WDR91: variants seen among roughly 807,000 people sequenced by gnomAD.
WDR91 encodes WD repeat domain 91, also known as WD repeat-containing protein 91.
In WDR91, 52 loss-of-function variants were observed where a neutral mutation model predicts 88.4. The observed-to-expected ratio is 0.59, with a 90% CI of 0.47 to 0.74. The LOEUF is 0.74. Among genes scored for constraint, WDR91 ranks in the 30% least tolerant of loss-of-function variants. WDR91 has a pLI of 0.00. For missense variants in WDR91, 824 were observed against 954.5 expected, an observed-to-expected ratio of 0.86 and a Z score of 1.80; for synonymous variants, 362 against 389.5, an observed-to-expected ratio of 0.93 and a Z score of 0.83.
At chr7:135,190,289 G>C (rs1831115020) in intron 11 of WDR91, among the ~76,000 whole-genome samples, 1 of 152,238 alleles carries the variant, frequency 6.6e-6, no homozygotes, top group East Asian at 1.9e-4. Flanking sequence ...GTGCAGGAAT[G>C]AACTAGAAAC....
Position 135,211,483 on chromosome 7 carries a change from C to A in WDR91, c.20G>T (p.Arg7Leu). The A allele has an allele frequency of 6.2e-7, 1 of 1,611,544 alleles. No individual in the cohort carries two copies. Among genetic ancestry groups the A allele is most frequent in the Non-Finnish European group, 8.5e-7 (1 of 1,179,042 alleles). The change falls in exon 1 of 15, where the codon CGC (arginine) becomes CTC (leucine). Residue 7 changes from arginine (R) to leucine (L), a missense_variant. Transcript: ENST00000354475. MAEAVE[R>L]TDELVREYLL... ...GTACTCCCGGACCAGCTCGTCAGTGCGCTCCACGGCCTCCGCCATCGCAGC... is the reference window on the plus strand; with the variant it reads ...GTACTCCCGGACCAGCTCGTCAGTGAGCTCCACGGCCTCCGCCATCGCAGC...
chr7:135,196,360 A>C lies in WDR91; in HGVS notation c.1051-23T>G. 6.7e-7 allele frequency: 1 copy of C among 1,493,750 alleles called. No individual in the cohort carries two copies. The highest frequency in any genetic ancestry group is 1.3e-5 in the South Asian group (1 of 74,880). The allele number at this position is 1,493,750 out of a possible 1,614,324, so 92.5% of individuals were successfully genotyped here. A position where few individuals can be genotyped will look rare whatever the true frequency, so the allele number is the denominator to read the frequency against. ...ACACTGTCACAAGCAGGGTGGGGACAAGTCAGCCAGGAAAGGGTCCCCCAC... is the reference window on the plus strand; with the variant it reads ...ACACTGTCACAAGCAGGGTGGGGACCAGTCAGCCAGGAAAGGGTCCCCCAC... On this transcript the variant is annotated intron_variant, in intron 7 of 14. Coordinates refer to ENST00000354475, the MANE Select transcript of WDR91 (RefSeq NM_014149.4). This position sits in a 1 kb window ranked among gnomAD's most constrained non-coding sequence, Gnocchi z 4.2.
At chr7:135,204,527 G>C in intron 5 of WDR91, 94 bp from the exon 6 acceptor site, 5 of 1,401,624 alleles carry the variant, frequency 3.6e-6, no homozygotes, top group Non-Finnish European at 4.9e-6. Flanking sequence ...GACGTTAAGT[G>C]ACCAGGCCTG....
At chr7:135,207,337 G>A (rs746698909) in intron 3 of WDR91, 135 bp from the exon 4 acceptor site, 15 of 735,800 alleles carry the variant, frequency 2.0e-5, no homozygotes, top group East Asian at 9.4e-5. Flanking sequence ...GGGCTCTTGC[G>A]GGCTTAATGA....
intron 12 of WDR91, among the ~76,000 whole-genome samples, 178 bp from the exon 13 acceptor site, chr7:135,188,723 C>T (rs1831047668): frequency 6.6e-6 from 1 of 152,192 alleles, no homozygotes; most frequent in South Asian, 2.1e-4. Flanking sequence ...GGTCAGGCTG[C>T]TTCTAAGCCT....
chr7:135,194,998 T>G lies in WDR91; in HGVS notation c.1331A>C (p.Lys444Thr). The change falls in exon 9 of 15, where the codon AAA (lysine) becomes ACA (threonine). Residue 444 changes from lysine (K) to threonine (T), a missense_variant. Transcript: ENST00000354475. ...CGGTGATTTGGAAATGGAGGATGCT[T>G]TGGTCTGCATGATGGGGTTGAAGGA... ...VWSFNPIMQT[K>T]ASSISKSPLL... 1 of 1,614,096 alleles carries G rather than the reference T, an allele frequency of 6.2e-7. No homozygotes were observed. The highest frequency in any genetic ancestry group is 8.5e-7 in the Non-Finnish European group (1 of 1,180,026).
At chr7:135,186,651 G>A (rs945797949) in intron 14 of WDR91, among the ~76,000 whole-genome samples, 142 of 152,222 alleles carry the variant, frequency 9.3e-4, no homozygotes, top group African/African-American at 3.2e-3. Flanking sequence ...TCATGAATCT[G>A]CTTATTTGTT....
intron 12 of WDR91, 56 bp from the exon 13 acceptor site, chr7:135,188,601 C>T: frequency 6.7e-7 from 1 of 1,495,644 alleles, no homozygotes; most frequent in South Asian, 1.1e-5. Context: ...CAGAAGGAAT[C>T]TGCCTGCAGC....
At position 135,207,205 on chromosome 7, in the gene WDR91, G is replaced by A. The variant is rs1258391377; in HGVS notation, c.512-3C>T. The A allele has an allele frequency of 6.2e-7, 1 of 1,603,490 alleles. No homozygotes were observed. Among genetic ancestry groups the A allele is most frequent in the East Asian group, 2.2e-5 (1 of 44,446 alleles). On this transcript the variant is annotated splice_region_variant and splice_polypyrimidine_tract_variant and intron_variant, in intron 3 of 14. Transcript: ENST00000354475. ...AAAGTTCAGGATCACAGGGACTGGT[G>A]CACGAAGTTAAAGAATAAGCCAGCC...
chr7:135,192,526 C>T (rs142385316), intron 11 of WDR91, among the ~76,000 whole-genome samples: 2 of 152,104 alleles, frequency 1.3e-5, no homozygotes, highest in Non-Finnish European at 2.9e-5. Context: ...GTGACCCTGA[C>T]GGGCCTGAGA....
At chr7:135,192,436 G>A (rs1275430019) in intron 11 of WDR91, among the ~76,000 whole-genome samples, 1 of 152,194 alleles carries the variant, frequency 6.6e-6, no homozygotes, top group Non-Finnish European at 1.5e-5. Flanking sequence ...CAATTTCTAA[G>A]TGAGGCACAT....
At chr7:135,189,530 T>G in intron 11 of WDR91, 78 bp from the exon 12 acceptor site, 1 of 1,201,046 alleles carries the variant, frequency 8.3e-7, no homozygotes, top group Admixed American at 2.1e-5. Flanking sequence ...TGCAGACAGG[T>G]GCCCCAGACT....
chr7:135,205,958 G>C lies in WDR91; in HGVS notation c.695C>G (p.Ser232Cys). 7 of 1,614,016 alleles carry C rather than the reference G, an allele frequency of 4.3e-6. No homozygotes were observed. The highest frequency in any genetic ancestry group is 5.9e-6 in the Non-Finnish European group (7 of 1,180,038). ...CGAGTCCCCCAGGCGGTCCATGTTG[G>C]AGACATAAGGAGGCAATTTGTGTTG... ...LVQHKLPPYV[S>C]NMDRLGDSEL... Residue 232 changes from serine to cysteine, a missense_variant, in exon 5 of 15, where the codon TCC becomes TGC. Physicochemically the swap from Ser to Cys is moderately radical, Grantham distance 112. Coordinates refer to ENST00000354475, the MANE Select transcript of WDR91 (RefSeq NM_014149.4).
intron 1 of WDR91, chr7:135,210,798 A>G: frequency 1.4e-6 from 1 of 703,734 alleles, no homozygotes; most frequent in East Asian, 2.7e-5. Flanking sequence ...AGTACACACA[A>G]ACATACAAAT....
Position 135,196,390 on chromosome 7 carries a change from G to C in WDR91, c.1051-53C>G, listed in dbSNP as rs1831375031. 1 of 1,460,326 alleles carries C rather than the reference G, an allele frequency of 6.8e-7. No homozygotes were observed. The highest frequency in any genetic ancestry group is 1.4e-5 in the African/African-American group (1 of 69,320). 90.5% of individuals were successfully genotyped at this position (1,460,326 alleles called of 1,614,324 possible). ...AGCCAGGAAAGGGTCCCCCACACCA[G>C]GGTGTACACCGCAGGGGGTCTAGGC... On this transcript the variant is annotated intron_variant, in intron 7 of 14. Transcript: ENST00000354475. This position sits in a 1 kb window ranked among gnomAD's most constrained non-coding sequence, Gnocchi z 4.2.
chr7:135,201,775 A>C (rs1183154741), intron 6 of WDR91, among the ~76,000 whole-genome samples: 1 of 151,892 alleles, frequency 6.6e-6, no homozygotes, highest in Non-Finnish European at 1.5e-5. Context: ...AACCAATGCC[A>C]TTGTATACTG....
At chr7:135,203,912 A>G (rs545730742) in intron 6 of WDR91, among the ~76,000 whole-genome samples, 1 of 152,160 alleles carries the variant, frequency 6.6e-6, no homozygotes, top group South Asian at 2.1e-4. Flanking sequence ...CACTGCCTTG[A>G]TCAGTGCACA....
At chr7:135,202,667 T>C (rs1831615574) in intron 6 of WDR91, among the ~76,000 whole-genome samples, 2 of 152,170 alleles carry the variant, frequency 1.3e-5, no homozygotes, top group Admixed American at 1.3e-4. Context: ...GTTAATGAAA[T>C]TGAATTCCAT....
chr7:135,194,507 C>G (rs1297063112), intron 9 of WDR91, among the ~76,000 whole-genome samples: 1 of 152,250 alleles, frequency 6.6e-6, no homozygotes, highest in East Asian at 1.9e-4. Context: ...GGGAAGAACA[C>G]TGTACTATTC....
Sources: gnomAD v4.1 joint callset for allele counts (sites outside exome capture counted in the v4.1 genomes callset) on GRCh38, gnomAD v4.1.1 for gene constraint, Gnocchi (gnomAD v3.1) non-coding constraint, MANE v1.5 for transcripts, NCBI Gene and HGNC (gene_info 2026-07-23, HGNC 2026-07-21) for gene names.